GALNT7: variants seen among roughly 807,000 people sequenced by gnomAD.
GALNT7 encodes N-acetylgalactosaminyltransferase 7.
In GALNT7, 60 loss-of-function variants were observed where a neutral mutation model predicts 82.1. That is an observed-to-expected ratio of 0.73 (90% CI 0.59 to 0.91). GALNT7 has a LOEUF of 0.91. Among genes scored for constraint, GALNT7 ranks in the 40% least tolerant of loss-of-function variants. The pLI is 0.00. For missense variants in GALNT7, 660 were observed against 804.2 expected (o/e 0.82, Z 2.17); for synonymous variants, 243 against 275.1 (o/e 0.88, Z 1.15).
At chr4:173,301,986 A>G in intron 6 of GALNT7, 61 bp from the exon 7 acceptor site, 3 of 783,278 alleles carry the variant, frequency 3.8e-6, no homozygotes, top group African/African-American at 1.7e-5. Context: ...CTTCTTGCCT[A>G]TTGGTGAAGG....
chr4:173,187,765 A>T (rs1435095871), intron 1 of GALNT7, among the ~76,000 whole-genome samples: 2 of 152,192 alleles, frequency 1.3e-5, no homozygotes. Flanking sequence ...TATGAGGTTT[A>T]ATAAAAATAT....
Position 173,248,157 on chromosome 4 carries a change from G to C in GALNT7, c.304G>C (p.Asp102His), listed in dbSNP as rs774668001. The change falls in exon 2 of 12, where the codon GAT becomes CAT. Residue 102 changes from aspartate to histidine, a missense_variant. Physicochemically the swap from Asp to His is moderately conservative, Grantham distance 81 (BLOSUM62 -1). Transcript: ENST00000265000. The stretch of plus-strand genomic sequence containing the variant: ...TGAACAAGAGCACCATGCTGGAGGA[G>C]ATTCCCAGAAAGATATCATGCAGAG... ...KNEQEHHAGG[D>H]SQKDIMQRQY... is the part of the protein sequence containing the mutation. The C allele has an allele frequency of 6.2e-7, 1 of 1,613,918 alleles. No individual in the cohort carries two copies. Among genetic ancestry groups the C allele is most frequent in the African/African-American group, 1.3e-5 (1 of 75,030 alleles).
chr4:173,286,614 T>C (rs1736332607), intron 2 of GALNT7, among the ~76,000 whole-genome samples: 1 of 152,216 alleles, frequency 6.6e-6, no homozygotes, highest in African/African-American at 2.4e-5. Flanking sequence ...AGAGACTGAA[T>C]GCTTTTCCTT....
chr4:173,215,781 G>A (rs1035128490), intron 1 of GALNT7, among the ~76,000 whole-genome samples: 1 of 152,074 alleles, frequency 6.6e-6, no homozygotes, highest in Non-Finnish European at 1.5e-5. Context: ...TAGAAAATAT[G>A]AACTACATTT....
chr4:173,292,141 C>G lies in GALNT7; in HGVS notation c.621C>G (p.Leu207=). ...CKYWHYDENL[L]TSSVVIVFHN... is the part of the protein sequence containing the mutation. ...ATTGGCATTATGATGAAAACTTGCT[C>G]ACTTCGAGCGTTGTCATTGTCTTCC... Residue 207 remains leucine, a synonymous_variant, in exon 3 of 12, where the codon CTC becomes CTG. Coordinates refer to ENST00000265000, the MANE Select transcript of GALNT7 (RefSeq NM_017423.3). This position sits in a 1 kb window ranked among gnomAD's most constrained non-coding sequence, Gnocchi z 4.8. The G allele has an allele frequency of 6.2e-7, 1 of 1,609,260 alleles. No individual in the cohort carries two copies. The highest frequency in any genetic ancestry group is 1.1e-5 in the South Asian group (1 of 90,004).
intron 1 of GALNT7, among the ~76,000 whole-genome samples, chr4:173,201,776 C>G (rs1277983642): frequency 6.6e-6 from 1 of 152,186 alleles, no homozygotes. Context: ...AATAATGCAT[C>G]GGCCAGGTTG....
chr4:173,288,021 C>T (rs1736389165), intron 2 of GALNT7, among the ~76,000 whole-genome samples: 1 of 152,052 alleles, frequency 6.6e-6, no homozygotes, highest in South Asian at 2.1e-4. Flanking sequence ...CGGTGGCTCA[C>T]GCCTGTAATC....
At chr4:173,268,299 C>T (rs979999696) in intron 2 of GALNT7, 3 of 152,154 alleles carry the variant, frequency 2.0e-5, no homozygotes, top group African/African-American at 7.2e-5. Context: ...GATGGGTTTA[C>T]ATTGAACTCA....
intron 1 of GALNT7, among the ~76,000 whole-genome samples, chr4:173,201,979 A>G (rs1307963404): frequency 6.6e-6 from 1 of 152,230 alleles, no homozygotes; most frequent in East Asian, 1.9e-4. Context: ...AGAAAACACA[A>G]TAGATTCTAA....
At chr4:173,237,501 T>C (rs958724137) in intron 1 of GALNT7, among the ~76,000 whole-genome samples, 1 of 152,236 alleles carries the variant, frequency 6.6e-6, no homozygotes. Context: ...AAATGCCACA[T>C]TTGACCTCAT....
chr4:173,294,421 G>A (rs953700779), intron 3 of GALNT7, among the ~76,000 whole-genome samples: 43 of 151,994 alleles, frequency 2.8e-4, no homozygotes, highest in African/African-American at 9.9e-4. Context: ...ATACCCACGT[G>A]TATCTTACTA....
intron 2 of GALNT7, among the ~76,000 whole-genome samples, chr4:173,270,923 T>C (rs1289211097): frequency 6.6e-6 from 1 of 152,218 alleles, no homozygotes; most frequent in African/African-American, 2.4e-5. Context: ...ATGACAGCTA[T>C]CTAGAAGGAC....
At chr4:173,259,428 C>CA (rs1554025213) in intron 2 of GALNT7, among the ~76,000 whole-genome samples, 2 of 141,808 alleles carry the variant, frequency 1.4e-5, no homozygotes, top group Non-Finnish European at 3.1e-5. Flanking sequence ...CCTCCTCCCG[C>CA]TTTTTTTTTT....
intron 1 of GALNT7, among the ~76,000 whole-genome samples, chr4:173,236,284 C>T (rs1307045632): frequency 1.3e-5 from 2 of 152,164 alleles, no homozygotes; most frequent in East Asian, 3.8e-4. Flanking sequence ...TACCATACTT[C>T]CCTGGCCTAT....
chr4:173,172,419 C>CTGGA (rs1186714065), intron 1 of GALNT7, among the ~76,000 whole-genome samples: 6 of 152,246 alleles, frequency 3.9e-5, no homozygotes, highest in African/African-American at 1.4e-4. Context: ...AGTGCACATG[C>CTGGA]TGGAGCCCAC....
chr4:173,266,868 G>GGTGTGTGTGTGTGT lies in GALNT7; in HGVS notation c.587+18474_587+18487dup, dbSNP rs71596614. Among the ~76,000 whole-genome samples, 21 of 95,126 alleles carry GGTGTGTGTGTGTGT rather than the reference G, an allele frequency of 2.2e-4. 1 individual carries two copies. Among genetic ancestry groups the GGTGTGTGTGTGTGT allele is most frequent in the East Asian group, 1.4e-3 (4 of 2,838 alleles). 62.4% of individuals were successfully genotyped at this position (95,126 alleles called of 152,430 possible). A position where few individuals can be genotyped will look rare whatever the true frequency, so the allele number is the denominator to read the frequency against. ...ATGACGGCTACCTGAGGCTGGGAAG[G>GGTGTGTGTGTGTGT]GTGTGTGTGTGTGTGTGTGTGTGTG... On this transcript the variant is annotated intron_variant, in intron 2 of 11. Transcript: ENST00000265000.
Position 173,241,668 on chromosome 4 carries a change from G to A in GALNT7, c.127-6312G>A, listed in dbSNP as rs552925953. Among the ~76,000 whole-genome samples the A allele has an allele frequency of 1.5e-4, 23 of 152,256 alleles. No individual in the cohort carries two copies. The East Asian group carries it at 4.2e-3, about 28-fold the overall frequency. On this transcript the variant is annotated intron_variant, in intron 1 of 11. Transcript: ENST00000265000. ...GTTTTTGAAACAGGGTCATGCTCTG[G>A]TCCCCAGGCTGGAGTGCAGTGGCAC... is the stretch of plus-strand genomic sequence containing the variant.
intron 2 of GALNT7, among the ~76,000 whole-genome samples, chr4:173,275,129 A>G (rs1735854778): frequency 6.6e-6 from 1 of 152,230 alleles, no homozygotes; most frequent in Admixed American, 6.5e-5. Context: ...GGGGCTCATT[A>G]GGACACTAAG....
chr4:173,250,650 C>G (rs546064380), intron 2 of GALNT7, among the ~76,000 whole-genome samples: 3 of 152,174 alleles, frequency 2.0e-5, no homozygotes, highest in Admixed American at 6.5e-5. Flanking sequence ...TTTTTTCAGA[C>G]AGAAATCAGT....
Sources: gnomAD v4.1 joint callset for allele counts (sites outside exome capture counted in the v4.1 genomes callset) on GRCh38, gnomAD v4.1.1 for gene constraint, Gnocchi (gnomAD v3.1) non-coding constraint, MANE v1.5 for transcripts, NCBI Gene and HGNC (gene_info 2026-07-23, HGNC 2026-07-21) for gene names.